The following STIM1 variants were observed in gnomAD, a reference collection of about 807,000 sequenced individuals.
The protein encoded by STIM1 is stromal interaction molecule 1.
Under a neutral mutation model 74.7 loss-of-function variants are expected in STIM1, and 25 were observed. The ratio of observed to expected loss-of-function variants is 0.33; its 90% CI spans 0.24 to 0.47. STIM1 has a LOEUF of 0.47. Among genes scored for constraint, STIM1 ranks in the 20% least tolerant of loss-of-function variants. The pLI is 1.00. For synonymous variants in STIM1, 328 were observed against 348.8 expected (o/e 0.94, Z 0.66); for missense variants, 728 against 920.8 (o/e 0.79, Z 2.71).
At chr11:3,860,438 T>C (rs570401960) in intron 1 of STIM1, among the ~76,000 whole-genome samples, 38 of 152,340 alleles carry the variant, frequency 2.5e-4, no homozygotes, top group African/African-American at 8.7e-4. Context: ...AGTCTGATTC[T>C]TCTCTCTACC....
intron 3 of STIM1, among the ~76,000 whole-genome samples, chr11:4,027,526 G>A (rs1372203047): frequency 1.3e-5 from 2 of 152,154 alleles, no homozygotes; most frequent in Non-Finnish European, 2.9e-5. Context: ...TGGTTGGCCA[G>A]GATGGTCTCA....
intron 3 of STIM1, among the ~76,000 whole-genome samples, chr11:4,049,287 G>T (rs1442639670): frequency 1.3e-5 from 2 of 151,272 alleles, no homozygotes; most frequent in Non-Finnish European, 2.9e-5. Context: ...CTTTCTACAG[G>T]CATTATCTGA....
intron 1 of STIM1, among the ~76,000 whole-genome samples, chr11:3,884,738 C>T (rs895679183): frequency 6.6e-6 from 1 of 151,212 alleles, no homozygotes; most frequent in Non-Finnish European, 1.5e-5. Flanking sequence ...GCTGAGATTG[C>T]GCCACTGCAC....
In STIM1 at chr11:3,967,547, C is replaced by A. The variant is rs200528985; in HGVS notation, c.140-5C>A. 6.2e-7 allele frequency: 1 copy of A among 1,614,146 alleles called. No individual in the cohort carries two copies. The highest frequency in any genetic ancestry group is 1.1e-5 in the South Asian group (1 of 91,080). Reference sequence around the variant, plus strand: ...GTAATTTTGTCTCTTGCTTTTCTTACACAGAGTTTTGCCGAATTGACAAGC... The same window carrying A: ...GTAATTTTGTCTCTTGCTTTTCTTAAACAGAGTTTTGCCGAATTGACAAGC... On this transcript the variant is annotated splice_polypyrimidine_tract_variant and splice_region_variant and intron_variant, in intron 1 of 12. Transcript: ENST00000526596.
intron 2 of STIM1, among the ~76,000 whole-genome samples, chr11:3,975,098 C>T (rs932981859): frequency 2.6e-5 from 4 of 152,236 alleles, no homozygotes; most frequent in South Asian, 2.1e-4. Context: ...AGGGAGCTTG[C>T]GTTCTAGTGA....
At chr11:3,874,657 C>T (rs1332619861) in intron 1 of STIM1, among the ~76,000 whole-genome samples, 1 of 152,158 alleles carries the variant, frequency 6.6e-6, no homozygotes, top group Non-Finnish European at 1.5e-5. Context: ...GACTTCTTGC[C>T]CTGCTTTTTC....
At chr11:3,918,902 G>A (rs747418616) in intron 1 of STIM1, among the ~76,000 whole-genome samples, 24 of 152,308 alleles carry the variant, frequency 1.6e-4, no homozygotes, top group Non-Finnish European at 2.8e-4. Context: ...GTTAAAAAAA[G>A]TGTGTTTCCA....
intron 6 of STIM1, among the ~76,000 whole-genome samples, chr11:4,072,820 C>A (rs2094412141): frequency 6.6e-6 from 1 of 152,128 alleles, no homozygotes; most frequent in African/African-American, 2.4e-5. Context: ...GGATATTCAG[C>A]AAGGGAAGGA....
At chr11:3,990,915 T>G (rs981328367) in intron 2 of STIM1, among the ~76,000 whole-genome samples, 1 of 152,192 alleles carries the variant, frequency 6.6e-6, no homozygotes, top group Non-Finnish European at 1.5e-5. Context: ...CTTATGCAGA[T>G]AGTGACCGTA....
chr11:4,025,477 G>A (rs982595171), intron 3 of STIM1, among the ~76,000 whole-genome samples: 2 of 152,204 alleles, frequency 1.3e-5, no homozygotes, highest in African/African-American at 4.8e-5. Context: ...TGAAGATTAA[G>A]CAGTGACATG....
intron 3 of STIM1, among the ~76,000 whole-genome samples, chr11:4,033,288 G>C (rs2094067838): frequency 6.6e-6 from 1 of 152,142 alleles, no homozygotes; most frequent in Non-Finnish European, 1.5e-5. Flanking sequence ...AAGTCAGGTA[G>C]CGTGATGCCT....
At chr11:4,046,477 C>A (rs963716639) in intron 3 of STIM1, among the ~76,000 whole-genome samples, 1 of 152,128 alleles carries the variant, frequency 6.6e-6, no homozygotes. Context: ...ATAGTCTAAT[C>A]TTCCCCCAAA....
chr11:4,004,957 A>T (rs1188821114), intron 2 of STIM1, among the ~76,000 whole-genome samples: 1 of 152,266 alleles, frequency 6.6e-6, no homozygotes, highest in Non-Finnish European at 1.5e-5. Flanking sequence ...GAAGACATTT[A>T]TGCAGCCAAA....
At position 4,028,926 on chromosome 11, in the gene STIM1, G is replaced by A. The variant is rs541640848; in HGVS notation, c.385+4939G>A. 7.2e-5 allele frequency among the ~76,000 whole-genome samples: 11 copies of A among 152,010 alleles called. No homozygotes were observed. The South Asian group carries it at 8.3e-4, about 11-fold the overall frequency. On this transcript the variant is annotated intron_variant, in intron 3 of 12. Coordinates refer to ENST00000526596, the MANE Select transcript of STIM1 (RefSeq NM_001382567.1). Reference sequence around the variant, plus strand: ...TTACAGACTGGGCGTGGTGGCTCACGCCTGTAATCCCAGCACTTTGGGAGG... The same window carrying A: ...TTACAGACTGGGCGTGGTGGCTCACACCTGTAATCCCAGCACTTTGGGAGG...
At chr11:4,044,710 G>T (rs918068936) in intron 3 of STIM1, among the ~76,000 whole-genome samples, 1 of 152,168 alleles carries the variant, frequency 6.6e-6, no homozygotes, top group African/African-American at 2.4e-5. Context: ...ACATGCTGAA[G>T]CTATTCTCCT....
chr11:4,074,746 C>A, intron 7 of STIM1, 67 bp downstream of exon 7: 1 of 1,508,932 alleles, frequency 6.6e-7, no homozygotes, highest in Non-Finnish European at 9.0e-7. Context: ...CAGGGTCTGG[C>A]TAGAAAGTTA....
intron 5 of STIM1, among the ~76,000 whole-genome samples, chr11:4,062,069 T>C (rs1337645298): frequency 6.6e-6 from 1 of 152,196 alleles, no homozygotes; most frequent in Non-Finnish European, 1.5e-5. Flanking sequence ...GAGGTAGTGG[T>C]TGCATAACAT....
intron 1 of STIM1, among the ~76,000 whole-genome samples, chr11:3,886,723 G>T (rs1243195273): frequency 6.7e-6 from 1 of 148,168 alleles, no homozygotes; most frequent in Non-Finnish European, 1.5e-5. Flanking sequence ...GTCTTATTTG[G>T]CCGGGTGCGG....
At chr11:3,968,978 T>A (rs1234063281) in intron 2 of STIM1, among the ~76,000 whole-genome samples, 2 of 152,234 alleles carry the variant, frequency 1.3e-5, no homozygotes, top group Non-Finnish European at 2.9e-5. Flanking sequence ...TCAGTGCAGA[T>A]CTGATTTCAA....
Sources: gnomAD v4.1 joint callset for allele counts (sites outside exome capture counted in the v4.1 genomes callset) on GRCh38, gnomAD v4.1.1 for gene constraint, MANE v1.5 for transcripts, NCBI Gene and HGNC (gene_info 2026-07-23, HGNC 2026-07-21) for gene names.